The following SHISA9 variants were observed in gnomAD, a reference collection of about 807,000 sequenced individuals.
SHISA9 encodes protein shisa-9.
SHISA9 carries 13 observed loss-of-function variants against 38.0 expected under a neutral mutation model. That is an observed-to-expected ratio of 0.34 (90% CI 0.22 to 0.54). SHISA9 has a LOEUF of 0.54. Ranked by LOEUF, SHISA9 falls within the 20% of genes least tolerant of loss-of-function variation. The pLI is 0.91. For synonymous variants in SHISA9, 275 were observed against 242.0 expected (o/e 1.14, Z -1.27); for missense variants, 538 against 575.8 (o/e 0.93, Z 0.67).
intron 2 of SHISA9, among the ~76,000 whole-genome samples, chr16:12,929,013 T>C (rs780099451): frequency 6.6e-6 from 1 of 152,170 alleles, no homozygotes; most frequent in Non-Finnish European, 1.5e-5. Flanking sequence ...AAAGAAGACA[T>C]ACATGTGGCC....
intron 2 of SHISA9, among the ~76,000 whole-genome samples, chr16:12,983,344 G>A (rs2072265057): frequency 6.6e-6 from 1 of 152,166 alleles, no homozygotes; most frequent in East Asian, 1.9e-4. Flanking sequence ...TTCTCCCTCT[G>A]GAAAACGGGA....
chr16:13,471,576 C>G, the SHISA9 span, among the ~76,000 whole-genome samples: 1 of 152,080 alleles, frequency 6.6e-6, no homozygotes, highest in Non-Finnish European at 1.5e-5. Context: ...GCAGTGACAA[C>G]CTTGGAATGC....
intron 2 of SHISA9, among the ~76,000 whole-genome samples, chr16:13,131,818 G>T (rs1205835219): frequency 6.6e-6 from 1 of 152,080 alleles, no homozygotes; most frequent in Non-Finnish European, 1.5e-5. Context: ...CAGAGTTCTG[G>T]TCCTGAATCC....
chr16:12,927,224 T>C (rs1422452445), intron 2 of SHISA9, among the ~76,000 whole-genome samples: 1 of 152,190 alleles, frequency 6.6e-6, no homozygotes, highest in African/African-American at 2.4e-5. Flanking sequence ...TAAAGTTAAT[T>C]ACAAGGTGAA....
the SHISA9 span, among the ~76,000 whole-genome samples, chr16:13,354,351 G>C: frequency 8.5e-6 from 1 of 118,294 alleles, no homozygotes; most frequent in African/African-American, 3.2e-5. Context: ...TCAGGGTGAG[G>C]AACAGGAAAG....
chr16:13,006,665 T>C (rs1296547559), intron 2 of SHISA9, among the ~76,000 whole-genome samples: 1 of 152,222 alleles, frequency 6.6e-6, no homozygotes. Flanking sequence ...GAAAATGAAC[T>C]GTATTAGACA....
At chr16:13,499,454 A>G in the SHISA9 span, among the ~76,000 whole-genome samples, 1 of 152,186 alleles carries the variant, frequency 6.6e-6, no homozygotes, top group Non-Finnish European at 1.5e-5. Flanking sequence ...AATAGTATGT[A>G]AATAAATACC....
intron 2 of SHISA9, among the ~76,000 whole-genome samples, chr16:12,959,142 G>A (rs1415787295): frequency 6.6e-6 from 1 of 152,184 alleles, no homozygotes; most frequent in African/African-American, 2.4e-5. Context: ...AGCCTGTTTG[G>A]ATTTGTTTGT....
the SHISA9 span, among the ~76,000 whole-genome samples, chr16:13,518,706 A>C: frequency 6.6e-6 from 1 of 152,190 alleles, no homozygotes; most frequent in Non-Finnish European, 1.5e-5. Flanking sequence ...TCTTCCTCTA[A>C]AGATGTATTG....
chr16:13,322,281 G>C, the SHISA9 span, among the ~76,000 whole-genome samples: 2 of 152,224 alleles, frequency 1.3e-5, no homozygotes, highest in African/African-American at 2.4e-5. Flanking sequence ...AATGAGCACA[G>C]ACTGAACTTC....
intron 2 of SHISA9, among the ~76,000 whole-genome samples, chr16:13,189,074 C>T (rs1391377571): frequency 6.6e-6 from 1 of 152,190 alleles, no homozygotes; most frequent in Non-Finnish European, 1.5e-5. Flanking sequence ...TCATGGAGAA[C>T]CCTCCCAAGG....
At chr16:13,314,595 A>C in the SHISA9 span, among the ~76,000 whole-genome samples, 3 of 152,084 alleles carry the variant, frequency 2.0e-5, no homozygotes, top group Non-Finnish European at 4.4e-5. Flanking sequence ...ACCAAAAAAA[A>C]ACGTGCATAC....
the SHISA9 span, among the ~76,000 whole-genome samples, chr16:13,453,913 G>C: frequency 6.6e-6 from 1 of 152,132 alleles, no homozygotes; most frequent in Non-Finnish European, 1.5e-5. Context: ...ACAGAGGCTT[G>C]TCCGATCTAT....
At chr16:13,336,212 T>A in the SHISA9 span, among the ~76,000 whole-genome samples, 1 of 152,154 alleles carries the variant, frequency 6.6e-6, no homozygotes, top group Admixed American at 6.5e-5. Context: ...TTTTCTCCAA[T>A]TCAAAAGTGA....
At chr16:13,286,880 T>C in the SHISA9 span, among the ~76,000 whole-genome samples, 1 of 152,214 alleles carries the variant, frequency 6.6e-6, no homozygotes, top group Non-Finnish European at 1.5e-5. Flanking sequence ...GGAATTTTTT[T>C]GTTTTTGTCT....
the SHISA9 span, among the ~76,000 whole-genome samples, chr16:13,559,079 T>G: frequency 6.6e-6 from 1 of 152,234 alleles, no homozygotes; most frequent in African/African-American, 2.4e-5. Context: ...GGTGTTTTTC[T>G]GTTTTGTTCA....
intron 2 of SHISA9, among the ~76,000 whole-genome samples, chr16:13,020,426 A>G (rs1359044465): frequency 6.6e-6 from 1 of 152,088 alleles, no homozygotes; most frequent in Non-Finnish European, 1.5e-5. Context: ...TGTTCTCGTC[A>G]TTTAGCTCCC....
chr16:13,267,456 G>T, the SHISA9 span, among the ~76,000 whole-genome samples: 3 of 152,168 alleles, frequency 2.0e-5, no homozygotes, highest in Non-Finnish European at 4.4e-5. Context: ...GTGTGAGTTT[G>T]TACAGCCCTT....
chr16:13,141,338 C>T (rs2050399938), intron 2 of SHISA9, among the ~76,000 whole-genome samples: 1 of 152,088 alleles, frequency 6.6e-6, no homozygotes, highest in African/African-American at 2.4e-5. Flanking sequence ...GAACCCTACA[C>T]ACAATCTCAA....
Sources: gnomAD v4.1 joint callset for allele counts (sites outside exome capture counted in the v4.1 genomes callset) on GRCh38, gnomAD v4.1.1 for gene constraint, MANE v1.5 for transcripts, NCBI Gene and HGNC (gene_info 2026-07-23, HGNC 2026-07-21) for gene names.